The following RAPGEF4 variants were observed in gnomAD, a reference collection of about 807,000 sequenced individuals.
The protein encoded by RAPGEF4 is RAP guanine-nucleotide-exchange factor (GEF) 4.
Under a neutral mutation model 147.9 loss-of-function variants are expected in RAPGEF4, and 66 were observed. The observed-to-expected ratio is 0.45, with a 90% CI of 0.37 to 0.55. The LOEUF (loss-of-function observed/expected upper bound fraction) is 0.55. RAPGEF4 is among the 20% of genes least tolerant of loss of function. RAPGEF4 has a pLI of 0.00. For synonymous variants in RAPGEF4, 419 were observed against 442.7 expected, an observed-to-expected ratio of 0.95 and a Z score of 0.67; for missense variants, 1,071 against 1,257.3, an observed-to-expected ratio of 0.85 and a Z score of 2.24.
chr2:172,751,333 T>TTC (rs1404619837), intron 1 of RAPGEF4, among the ~76,000 whole-genome samples: 1 of 152,214 alleles, frequency 6.6e-6, no homozygotes, highest in Non-Finnish European at 1.5e-5. Flanking sequence ...TGGGAAGACA[T>TTC]TCATTCATTC....
rs138414924 is a variant in RAPGEF4 at position 173,030,406 on chromosome 2, A to G, written c.2649+152A>G. ...GGGAGGTGACCTGTCTCCTTTTTCC[A>G]GTTGCCTCAGAGGGAGAATTTTTAA... On this transcript the variant is annotated intron_variant, in intron 26 of 30. Coordinates refer to ENST00000397081, the MANE Select transcript of RAPGEF4 (RefSeq NM_007023.4). 4.7e-5 allele frequency: 30 copies of G among 633,164 alleles called. No homozygotes were observed. In the African/African-American group the frequency reaches 5.3e-4, roughly 11 times the overall value. The allele number at this position is 633,164 out of a possible 1,614,324, so 39.2% of individuals were successfully genotyped here.
At chr2:173,022,749 T>C (rs1284471798) in intron 23 of RAPGEF4, among the ~76,000 whole-genome samples, 1 of 152,234 alleles carries the variant, frequency 6.6e-6, no homozygotes, top group Admixed American at 6.5e-5. Context: ...GTGTTCAATG[T>C]TAGCCTTAAA....
chr2:172,877,031 G>T (rs113668335), intron 4 of RAPGEF4, among the ~76,000 whole-genome samples: 12 of 152,060 alleles, frequency 7.9e-5, no homozygotes, highest in Admixed American at 7.9e-4. Context: ...GTTTATTTGC[G>T]TAGAGGTGTT....
At chr2:172,962,360 A>G (rs1182024723) in intron 8 of RAPGEF4, among the ~76,000 whole-genome samples, 1 of 152,176 alleles carries the variant, frequency 6.6e-6, no homozygotes, top group Non-Finnish European at 1.5e-5. Flanking sequence ...AAACTAGAAT[A>G]CAAATTTCAA....
At chr2:172,809,997 T>A (rs1687875774) in intron 3 of RAPGEF4, among the ~76,000 whole-genome samples, 1 of 152,218 alleles carries the variant, frequency 6.6e-6, no homozygotes, top group African/African-American at 2.4e-5. Flanking sequence ...TGATTTTGAC[T>A]TATTTGGTAT....
chr2:172,833,335 G>A (rs945134412), intron 4 of RAPGEF4, among the ~76,000 whole-genome samples: 1 of 150,778 alleles, frequency 6.6e-6, no homozygotes, highest in Non-Finnish European at 1.5e-5. Flanking sequence ...CTGTTTGGGG[G>A]AAACTAAGGG....
At chr2:172,831,285 T>TTTTTTTTTTTTTTA (rs1690303455) in intron 4 of RAPGEF4, among the ~76,000 whole-genome samples, 9 of 142,308 alleles carry the variant, frequency 6.3e-5, no homozygotes, top group South Asian at 4.6e-4. Flanking sequence ...TTTTTTTTTT[T>TTTTTTTTTTTTTTA]GAGACAGAGT....
At chr2:172,954,449 A>C (rs1467338604) in intron 6 of RAPGEF4, among the ~76,000 whole-genome samples, 1 of 152,186 alleles carries the variant, frequency 6.6e-6, no homozygotes, top group African/African-American at 2.4e-5. Context: ...GGAAATCTCT[A>C]AGCCAATTTT....
intron 9 of RAPGEF4, among the ~76,000 whole-genome samples, chr2:172,966,045 G>T (rs1246281427): frequency 6.6e-6 from 1 of 152,232 alleles, no homozygotes; most frequent in African/African-American, 2.4e-5. Flanking sequence ...AGTGAAGTGT[G>T]TGGCTGGGCT....
At chr2:173,002,016 T>C (rs79704383) in intron 17 of RAPGEF4, among the ~76,000 whole-genome samples, 15 of 44,062 alleles carry the variant, frequency 3.4e-4, no homozygotes, top group East Asian at 3.0e-3. Context: ...AAAAAAAAAA[T>C]CCATTGCCTG....
chr2:172,775,897 T>C (rs1392238836), intron 1 of RAPGEF4, among the ~76,000 whole-genome samples: 1 of 152,198 alleles, frequency 6.6e-6, no homozygotes, highest in Non-Finnish European at 1.5e-5. Flanking sequence ...TTACTAATAC[T>C]CTTTAGCTAT....
Position 173,051,841 on chromosome 2 carries a change from G to T in RAPGEF4, c.*74G>T. 1.3e-6 allele frequency: 2 copies of T among 1,540,738 alleles called. No individual in the cohort carries two copies. Among genetic ancestry groups the T allele is most frequent in the South Asian group, 2.3e-5 (2 of 85,864 alleles). On this transcript the variant is annotated 3_prime_UTR_variant, in exon 31 of 31. Coordinates refer to ENST00000397081, the MANE Select transcript of RAPGEF4 (RefSeq NM_007023.4). ...CAAAAATGCCATTTATGCTACTACT[G>T]ACTGTATTGCCACTAGAGAATTCTA...
chr2:172,928,897 G>T (rs1685641574), intron 6 of RAPGEF4, among the ~76,000 whole-genome samples: 1 of 152,176 alleles, frequency 6.6e-6, no homozygotes, highest in Non-Finnish European at 1.5e-5. Flanking sequence ...TCACAGCCTT[G>T]AGATGCAGCT....
chr2:172,965,427 G>A, intron 8 of RAPGEF4, 135 bp from the exon 9 acceptor site: 1 of 1,005,424 alleles, frequency 9.9e-7, no homozygotes, highest in Non-Finnish European at 1.5e-6. Flanking sequence ...CGCGTGTGGT[G>A]CTTTGTTTGC....
intron 4 of RAPGEF4, among the ~76,000 whole-genome samples, chr2:172,896,792 A>G (rs1322081840): frequency 1.3e-5 from 2 of 152,186 alleles, no homozygotes; most frequent in Non-Finnish European, 2.9e-5. Context: ...GAAATTCTAT[A>G]TATATGCAAA....
rs541414564 is a variant in RAPGEF4 at position 172,859,263 on chromosome 2, A to G, written c.444+44838A>G. ...TGAATAAAATGAGAAAATAAACCTA[A>G]TATTACTTCAGTAATCATTGTAAAT... On this transcript the variant is annotated intron_variant, in intron 4 of 30. Transcript: ENST00000397081. Among the ~76,000 whole-genome samples the G allele has an allele frequency of 9.2e-5, 14 of 152,362 alleles. No individual in the cohort carries two copies. In the South Asian group the frequency reaches 2.7e-3, roughly 29 times the overall value.
intron 1 of RAPGEF4, among the ~76,000 whole-genome samples, chr2:172,747,874 G>T (rs13019093): frequency 0.11 from 16,356 of 152,200 alleles, 1,078 homozygotes; most frequent in Non-Finnish European, 0.14. Context: ...GCTTCTAGGA[G>T]TTTGAATATT....
intron 16 of RAPGEF4, 44 bp downstream of exon 16, chr2:172,996,598 A>G (rs1304274749): frequency 9.0e-6 from 12 of 1,334,138 alleles, no homozygotes; most frequent in Non-Finnish European, 1.0e-5. Flanking sequence ...ATCCATGCAT[A>G]GCATTGTTTA....
intron 10 of RAPGEF4, 110 bp from the exon 11 acceptor site, chr2:172,983,386 T>C (rs1691887948): frequency 6.7e-7 from 1 of 1,503,126 alleles, no homozygotes; most frequent in Admixed American, 2.3e-5. Flanking sequence ...AATATCTTCT[T>C]GTGCAGAAGA....
Sources: gnomAD v4.1 joint callset for allele counts (sites outside exome capture counted in the v4.1 genomes callset) on GRCh38, gnomAD v4.1.1 for gene constraint, MANE v1.5 for transcripts, NCBI Gene and HGNC (gene_info 2026-07-23, HGNC 2026-07-21) for gene names.